The following GTF2IRD1 variants were observed in gnomAD, a reference collection of about 807,000 sequenced individuals.
The protein encoded by GTF2IRD1 is general transcription factor II-I repeat domain-containing protein 1.
A neutral mutation model predicts 113.2 loss-of-function variants in GTF2IRD1; 26 were observed. The observed-to-expected ratio is 0.23, with a 90% CI of 0.17 to 0.32. The LOEUF is 0.32. Among genes scored for constraint, GTF2IRD1 ranks in the 10% least tolerant of loss-of-function variants. The pLI, the probability that GTF2IRD1 is intolerant of heterozygous loss-of-function variation, is 1.00. For synonymous variants in GTF2IRD1, 484 were observed against 529.1 expected (o/e 0.91, Z 1.17); for missense variants, 864 against 1,280.8 (o/e 0.67, Z 4.97).
At chr7:74,508,024 G>A (rs1796394532) in intron 1 of GTF2IRD1, 51 bp from the exon 2 acceptor site, 22 of 1,563,952 alleles carry the variant, frequency 1.4e-5, no homozygotes, top group Non-Finnish European at 1.7e-5. Context: ...CACCATATGA[G>A]ACAAGCCCCC....
intron 1 of GTF2IRD1, among the ~76,000 whole-genome samples, chr7:74,481,544 A>G (rs542839602): frequency 6.6e-6 from 1 of 152,330 alleles, no homozygotes; most frequent in South Asian, 2.1e-4. Context: ...TAGAAAATAC[A>G]GAAAAGTAGA....
chr7:74,510,655 C>G (rs1163308438), intron 2 of GTF2IRD1, among the ~76,000 whole-genome samples: 12 of 152,210 alleles, frequency 7.9e-5, no homozygotes, highest in African/African-American at 2.6e-4. Flanking sequence ...CTCAGTTGTT[C>G]AGTTGCACCA....
chr7:74,555,049 C>A lies in GTF2IRD1; in HGVS notation c.1917-125C>A. 1 of 852,718 alleles carries A rather than the reference C, an allele frequency of 1.2e-6. No individual in the cohort carries two copies. Among genetic ancestry groups the A allele is most frequent in the African/African-American group, 1.7e-5 (1 of 59,262 alleles). 52.8% of individuals were successfully genotyped at this position (852,718 alleles called of 1,614,324 possible). A position where few individuals can be genotyped will look rare whatever the true frequency, so the allele number is the denominator to read the frequency against. ...ATGTGGGGCGGCAGGGACTCCAGGC[C>A]TGAACTATGCATAGCCAGAAGGGTC... On this transcript the variant is annotated intron_variant, in intron 17 of 26. Coordinates refer to ENST00000424337, the MANE Select transcript of GTF2IRD1 (RefSeq NM_005685.4). The surrounding 1 kb of genome is among the most constrained non-coding windows in gnomAD (Gnocchi z 5.3).
intron 2 of GTF2IRD1, among the ~76,000 whole-genome samples, chr7:74,510,000 C>T (rs1166562638): frequency 6.6e-6 from 1 of 152,096 alleles, no homozygotes; most frequent in Non-Finnish European, 1.5e-5. Flanking sequence ...TTAGAGCGAA[C>T]TTCTGGGTAC....
At chr7:74,589,783 G>A (rs1196072075) in intron 22 of GTF2IRD1, 68 bp from the exon 23 acceptor site, 2 of 923,240 alleles carry the variant, frequency 2.2e-6, no homozygotes, top group Non-Finnish European at 3.6e-6. Context: ...GACGCCTGGT[G>A]GGAGAAGCAG....
At chr7:74,571,445 A>G (rs992892162) in intron 22 of GTF2IRD1, among the ~76,000 whole-genome samples, 2 of 151,764 alleles carry the variant, frequency 1.3e-5, no homozygotes, top group Non-Finnish European at 2.9e-5. Flanking sequence ...TAGCGGAGGA[A>G]CCCGTACAGC....
chr7:74,477,380 C>T (rs548249203), intron 1 of GTF2IRD1, among the ~76,000 whole-genome samples: 11 of 108,128 alleles, frequency 1.0e-4, no homozygotes, highest in South Asian at 3.3e-4. Context: ...AAAAGAGGTG[C>T]GGGGAGGGCC....
At chr7:74,466,879 T>C (rs1272734230) in intron 1 of GTF2IRD1, among the ~76,000 whole-genome samples, 1 of 151,854 alleles carries the variant, frequency 6.6e-6, no homozygotes, top group Non-Finnish European at 1.5e-5. Flanking sequence ...TGTGCAACCT[T>C]GTCAAGTGAA....
chr7:74,602,356 T>C lies in GTF2IRD1; in HGVS notation c.2767-9T>C, dbSNP rs1562908883. 6.2e-7 allele frequency: 1 copy of C among 1,611,848 alleles called. No homozygotes were observed. The highest frequency in any genetic ancestry group is 8.5e-7 in the Non-Finnish European group (1 of 1,178,420). On this transcript the variant is annotated splice_polypyrimidine_tract_variant and intron_variant, in intron 26 of 26. Transcript: ENST00000424337. ...AGTCCTAATCCAGTCCCTTTGTCCC[T>C]CTCTCTAGCAATGGCCAATGTACAT... is the stretch of plus-strand genomic sequence containing the variant.
At chr7:74,578,123 A>C (rs1372470591) in intron 22 of GTF2IRD1, among the ~76,000 whole-genome samples, 1 of 152,096 alleles carries the variant, frequency 6.6e-6, no homozygotes, top group East Asian at 1.9e-4. Flanking sequence ...AATTTTTTAA[A>C]AATTATTTTA....
At chr7:74,517,831 G>GT (rs79924627) in intron 4 of GTF2IRD1, among the ~76,000 whole-genome samples, 37,861 of 152,062 alleles carry the variant, frequency 0.25, 5,706 homozygotes, top group African/African-American at 0.42. Context: ...CTGGGCCCTT[G>GT]AGTCCCCGAT....
intron 22 of GTF2IRD1, among the ~76,000 whole-genome samples, chr7:74,570,040 G>A (rs1432707655): frequency 1.3e-5 from 2 of 152,090 alleles, no homozygotes; most frequent in Non-Finnish European, 2.9e-5. Flanking sequence ...TGAGTCAGGA[G>A]CATTGAGGCA....
chr7:74,556,790 A>ATTTTTTTTTTTTTTTTTTT (rs587648610), intron 19 of GTF2IRD1, among the ~76,000 whole-genome samples: 671 of 132,090 alleles, frequency 5.1e-3, no homozygotes, highest in Middle Eastern at 0.012. Context: ...TGCCTGGCTA[A>ATTTTTTTTTTTTTTTTTTT]TTTTTGTATT....
At chr7:74,598,599 C>T (rs1802561282) in intron 25 of GTF2IRD1, among the ~76,000 whole-genome samples, 1 of 151,816 alleles carries the variant, frequency 6.6e-6, no homozygotes, top group Non-Finnish European at 1.5e-5. Context: ...CTGGGGAACA[C>T]AGCCAGGCTC....
At chr7:74,523,161 G>A (rs1399831887) in intron 7 of GTF2IRD1, among the ~76,000 whole-genome samples, 1 of 152,202 alleles carries the variant, frequency 6.6e-6, no homozygotes, top group African/African-American at 2.4e-5. Flanking sequence ...GGAGGCTGCT[G>A]TGAGCTATGA....
rs1554334222 is a variant in GTF2IRD1 at position 74,479,735 on chromosome 7, TA to T, written c.-7+25560del. Among the ~76,000 whole-genome samples the T allele has an allele frequency of 3.0e-4, 46 of 150,824 alleles. No homozygotes were observed. The Middle Eastern group carries it at 0.011, about 35-fold the overall frequency. ...GAAGCATAATTTACTTCCAGTAAAG[TA>T]CATGAGTACATGAATCTTTTTTTTT... On this transcript the variant is annotated intron_variant, in intron 1 of 26. Coordinates refer to ENST00000424337, the MANE Select transcript of GTF2IRD1 (RefSeq NM_005685.4).
At chr7:74,467,244 C>T (rs1167788181) in intron 1 of GTF2IRD1, among the ~76,000 whole-genome samples, 2 of 152,088 alleles carry the variant, frequency 1.3e-5, no homozygotes, top group African/African-American at 2.4e-5. Context: ...CCCCCATGCC[C>T]GGCCCCTCTC....
Position 74,558,347 on chromosome 7 carries a change from CTTTTTTTTTTTTTT to C in GTF2IRD1, c.2108-497_2108-484del, listed in dbSNP as rs1193682168. Among the ~76,000 whole-genome samples the C allele has an allele frequency of 1.5e-3, 92 of 60,462 alleles. 1 individual carries two copies. Among genetic ancestry groups the C allele is most frequent in the South Asian group, 4.7e-3 (7 of 1,484 alleles). The allele number at this position is 60,462 out of a possible 152,430, so 39.7% of individuals were successfully genotyped here. ...ATTGGTGTGGCTTTTTCTTTCGTTT[CTTTTTTTTTTTTTT>C]TTTTTTTTTTTTTTTTGAGACAGGG... On this transcript the variant is annotated intron_variant, in intron 20 of 26. Transcript: ENST00000424337.
chr7:74,492,911 A>G (rs1246011106), intron 1 of GTF2IRD1, among the ~76,000 whole-genome samples: 5 of 151,838 alleles, frequency 3.3e-5, no homozygotes, highest in Non-Finnish European at 5.9e-5. Flanking sequence ...TCTCTTCTAT[A>G]TGGATGTCCA....
Sources: gnomAD v4.1 joint callset for allele counts (sites outside exome capture counted in the v4.1 genomes callset) on GRCh38, gnomAD v4.1.1 for gene constraint, Gnocchi (gnomAD v3.1) non-coding constraint, MANE v1.5 for transcripts, NCBI Gene and HGNC (gene_info 2026-07-23, HGNC 2026-07-21) for gene names.